MATN2: variants seen among roughly 807,000 people sequenced by gnomAD.
MATN2 encodes matrilin 2.
A neutral mutation model predicts 103.2 loss-of-function variants in MATN2; 69 were observed. The observed-to-expected ratio is 0.67, with a 90% CI of 0.55 to 0.82. The LOEUF is 0.82. MATN2 is among the 40% of genes least tolerant of loss of function. MATN2 has a pLI of 0.00. For missense variants in MATN2, 1,023 were observed against 1,211.5 expected (o/e 0.84, Z 2.31); for synonymous variants, 429 against 450.2 (o/e 0.95, Z 0.60).
At chr8:97,869,990 T>A (rs1817837844) in intron 1 of MATN2, among the ~76,000 whole-genome samples, 1 of 151,914 alleles carries the variant, frequency 6.6e-6, no homozygotes, top group African/African-American at 2.4e-5. Flanking sequence ...TTGTCATAAA[T>A]CAGGAAGCCA....
At chr8:97,945,717 A>AAAAAATATATATAT (rs59472539) in intron 4 of MATN2, among the ~76,000 whole-genome samples, 8 of 121,828 alleles carry the variant, frequency 6.6e-5, no homozygotes, top group East Asian at 4.6e-4. Flanking sequence ...AAAAAAAAAA[A>AAAAAATATATATAT]ATATATATAT....
chr8:97,914,009 A>T (rs1398639092), intron 2 of MATN2, among the ~76,000 whole-genome samples: 2 of 152,192 alleles, frequency 1.3e-5, no homozygotes, highest in East Asian at 3.8e-4. Flanking sequence ...GACCTAAACT[A>T]TTTGCTCCAC....
chr8:97,869,576 T>C (rs1817826256), intron 1 of MATN2, among the ~76,000 whole-genome samples: 1 of 152,168 alleles, frequency 6.6e-6, no homozygotes, highest in African/African-American at 2.4e-5. Context: ...GTGGGGGCGC[T>C]GTGGCACGCA....
Position 97,981,150 on chromosome 8 carries a change from A to T in MATN2, c.1081+2142A>T, listed in dbSNP as rs539142335. Among the ~76,000 whole-genome samples the T allele has an allele frequency of 4.8e-4, 73 of 150,858 alleles. 1 individual carries two copies. In the South Asian group the frequency reaches 0.014, roughly 30 times the overall value. On this transcript the variant is annotated intron_variant, in intron 6 of 18. Coordinates refer to ENST00000254898, the MANE Select transcript of MATN2 (RefSeq NM_002380.5). ...TAGTGAGCCATGATGGCACCACTGC[A>T]CTCCAGCCTGGAGGACACAGTAAGA...
intron 13 of MATN2, among the ~76,000 whole-genome samples, chr8:98,026,239 A>G (rs1586170640): frequency 6.7e-6 from 1 of 149,544 alleles, no homozygotes; most frequent in African/African-American, 2.5e-5. Flanking sequence ...TATGGTGATA[A>G]CTTTTTTTTT....
intron 1 of MATN2, among the ~76,000 whole-genome samples, chr8:97,872,664 G>A (rs1817934412): frequency 6.6e-6 from 1 of 152,096 alleles, no homozygotes; most frequent in Non-Finnish European, 1.5e-5. Flanking sequence ...CATCCTCAAA[G>A]CCAGTAACAG....
intron 2 of MATN2, among the ~76,000 whole-genome samples, chr8:97,916,148 C>T (rs1356698876): frequency 2.0e-5 from 3 of 152,008 alleles, no homozygotes; most frequent in Non-Finnish European, 2.9e-5. Context: ...CGGCTCACTG[C>T]AACCTCCACC....
chr8:97,977,857 C>T (rs1811889032), intron 5 of MATN2, among the ~76,000 whole-genome samples: 1 of 152,156 alleles, frequency 6.6e-6, no homozygotes, highest in Non-Finnish European at 1.5e-5. Context: ...GATACCCTCT[C>T]CCAGATATCC....
chr8:98,018,290 C>A (rs147485652), intron 12 of MATN2, among the ~76,000 whole-genome samples, 174 bp downstream of exon 12: 2 of 152,076 alleles, frequency 1.3e-5, no homozygotes, highest in African/African-American at 2.4e-5. Context: ...CTTGCTTTTT[C>A]GGGAATTTCT....
Position 98,027,471 on chromosome 8 carries a change from TGGA to T in MATN2, c.2000_2002del (p.Gly667del). 6.2e-7 allele frequency: 1 copy of T among 1,613,866 alleles called. No individual in the cohort carries two copies. Among genetic ancestry groups the T allele is most frequent in the Non-Finnish European group, 8.5e-7 (1 of 1,179,814 alleles). ...TTGTGATCGATGGATCCAAGAGTCT[TGGA>T]GAAGAGAATTTTGAGGTCGTGAAGC... On this transcript the variant is annotated inframe_deletion, in exon 14 of 19. Transcript: ENST00000254898.
intron 4 of MATN2, among the ~76,000 whole-genome samples, chr8:97,957,188 C>A (rs922955637): frequency 1.3e-5 from 2 of 152,156 alleles, no homozygotes; most frequent in African/African-American, 2.4e-5. Flanking sequence ...GGTTGTGAGC[C>A]ATTCATGGGG....
intron 2 of MATN2, among the ~76,000 whole-genome samples, chr8:97,909,084 G>A (rs915113164): frequency 2.6e-5 from 4 of 152,156 alleles, no homozygotes. Context: ...GGCCACAGGT[G>A]TGCACCACCA....
At chr8:98,019,131 A>C (rs1813485247) in intron 12 of MATN2, among the ~76,000 whole-genome samples, 1 of 151,112 alleles carries the variant, frequency 6.6e-6, no homozygotes, top group Non-Finnish European at 1.5e-5. Context: ...ACACACACAT[A>C]TATATGTGTG....
intron 10 of MATN2, among the ~76,000 whole-genome samples, chr8:98,009,691 G>C (rs1813092704): frequency 6.6e-6 from 1 of 152,148 alleles, no homozygotes; most frequent in African/African-American, 2.4e-5. Flanking sequence ...TTCCCCAGAG[G>C]CCTTTTTGCC....
At chr8:97,874,312 G>T (rs1817991850) in intron 1 of MATN2, among the ~76,000 whole-genome samples, 1 of 152,020 alleles carries the variant, frequency 6.6e-6, no homozygotes, top group African/African-American at 2.4e-5. Flanking sequence ...TGCTCGGTTT[G>T]CTTCCATCTT....
intron 3 of MATN2, among the ~76,000 whole-genome samples, chr8:97,933,754 T>A (rs1810279957): frequency 6.6e-6 from 1 of 152,082 alleles, no homozygotes; most frequent in Admixed American, 6.6e-5. Context: ...CCCCATCCAC[T>A]CTGCAGGAGA....
chr8:98,032,146 T>C, intron 15 of MATN2, 100 bp from the exon 16 acceptor site: 1 of 888,562 alleles, frequency 1.1e-6, no homozygotes, highest in Non-Finnish European at 1.8e-6. Context: ...CCTTAGGTTA[T>C]GGCAGGTAGG....
In MATN2 at chr8:97,947,585, T is replaced by A. The variant is rs371539950; in HGVS notation, c.835+5686T>A. Among the ~76,000 whole-genome samples the A allele has an allele frequency of 5.3e-5, 8 of 152,126 alleles. No homozygotes were observed. In the East Asian group the frequency reaches 7.7e-4, roughly 15 times the overall value. On this transcript the variant is annotated intron_variant, in intron 4 of 18. Transcript: ENST00000254898. Reference sequence around the variant, plus strand: ...TGTATGATTTACACATTGAAAAATATAAAAGATTTCTGAGATTAATTTAAA... The same window carrying A: ...TGTATGATTTACACATTGAAAAATAAAAAAGATTTCTGAGATTAATTTAAA...
chr8:97,877,856 GT>G (rs1292987007), intron 1 of MATN2, among the ~76,000 whole-genome samples: 1 of 152,228 alleles, frequency 6.6e-6, no homozygotes, highest in Non-Finnish European at 1.5e-5. Context: ...TGTTCAAGAA[GT>G]CTGGAGACAG....
Sources: gnomAD v4.1 joint callset for allele counts (sites outside exome capture counted in the v4.1 genomes callset) on GRCh38, gnomAD v4.1.1 for gene constraint, MANE v1.5 for transcripts, NCBI Gene and HGNC (gene_info 2026-07-23, HGNC 2026-07-21) for gene names.